EFCAB6: variants seen among roughly 807,000 people sequenced by gnomAD.
EFCAB6 encodes the protein EF-hand calcium-binding domain-containing protein 6.
In EFCAB6, 156 loss-of-function variants were observed where a neutral mutation model predicts 169.8. That is an observed-to-expected ratio of 0.92 (90% CI 0.81 to 1.05). EFCAB6 has a LOEUF of 1.05. Ranked by LOEUF, EFCAB6 falls within the 50% of genes least tolerant of loss-of-function variation. The probability of loss-of-function intolerance (pLI) is 0.00; values close to 1 mark genes in which losing one functional copy is unlikely to be tolerated. For missense variants in EFCAB6, 1,800 were observed against 1,829.1 expected, an observed-to-expected ratio of 0.98 and a Z score of 0.29; for synonymous variants, 698 against 676.4, an observed-to-expected ratio of 1.03 and a Z score of -0.50.
At chr22:43,689,293 T>C (rs1340461303) in intron 10 of EFCAB6, among the ~76,000 whole-genome samples, 1 of 151,164 alleles carries the variant, frequency 6.6e-6, no homozygotes, top group Admixed American at 6.6e-5. Flanking sequence ...GAGAGTTTCA[T>C]GGGGATCAGA....
chr22:43,766,046 TG>T (rs1412802703), intron 4 of EFCAB6, among the ~76,000 whole-genome samples: 1 of 152,146 alleles, frequency 6.6e-6, no homozygotes, highest in East Asian at 1.9e-4. Flanking sequence ...TTTTTGTTTT[TG>T]TTTTTTGAGA....
intron 8 of EFCAB6, among the ~76,000 whole-genome samples, chr22:43,724,651 T>C (rs1477213460): frequency 6.6e-6 from 1 of 152,204 alleles, no homozygotes; most frequent in Non-Finnish European, 1.5e-5. Flanking sequence ...ATTACAGGCA[T>C]GAGCCACCGT....
chr22:43,532,177 T>C (rs1284479428), intron 30 of EFCAB6: 1 of 142,592 alleles, frequency 7.0e-6, no homozygotes, highest in Non-Finnish European at 1.5e-5. Flanking sequence ...CACAGAGTGG[T>C]GCCTTGGGAG....
Position 43,687,469 on chromosome 22 carries a change from ACCT to A in EFCAB6, c.1141_1142+1del. The stretch of plus-strand genomic sequence containing the variant: ...TTTGTTTTTTTTTTTTTTTTTACAT[ACCT>A]ATTTCTTTTTGTCAGGGGACCTTTA... On this transcript the variant is annotated splice_donor_variant and coding_sequence_variant, in exon 11 of 32. Coordinates refer to ENST00000262726, the MANE Select transcript of EFCAB6 (RefSeq NM_022785.4). LOFTEE classifies it high-confidence loss of function. The A allele has an allele frequency of 7.6e-7, 1 of 1,322,590 alleles. No homozygotes were observed. The highest frequency in any genetic ancestry group is 1.0e-6 in the Non-Finnish European group (1 of 1,001,068). 81.9% of individuals were successfully genotyped at this position (1,322,590 alleles called of 1,614,324 possible).
intron 23 of EFCAB6, among the ~76,000 whole-genome samples, chr22:43,599,123 T>C (rs569776839): frequency 6.6e-6 from 1 of 152,284 alleles, no homozygotes; most frequent in East Asian, 1.9e-4. Flanking sequence ...TACACAAACA[T>C]TTCCGTGTCC....
chr22:43,731,724 GTTCAAGTCGTTA>G lies in EFCAB6; in HGVS notation c.720_731del (p.Asn241_Asn244del). On this transcript the variant is annotated inframe_deletion, in exon 8 of 32. Transcript: ENST00000262726. ...CTTGATTTCCCATACAATATCTAAG[GTTCAAGTCGTTA>G]TTTATGCTGAGATTCTTCAAAAACA... is the stretch of plus-strand genomic sequence containing the variant. 1 of 1,597,038 alleles carries G rather than the reference GTTCAAGTCGTTA, an allele frequency of 6.3e-7. No homozygotes were observed. Among genetic ancestry groups the G allele is most frequent in the Admixed American group, 1.8e-5 (1 of 56,884 alleles).
intron 7 of EFCAB6, among the ~76,000 whole-genome samples, chr22:43,733,922 C>T (rs529386923): frequency 4.6e-5 from 7 of 152,196 alleles, no homozygotes; most frequent in East Asian, 1.9e-4. Flanking sequence ...TTGGCCAGGA[C>T]GGTCTCAATC....
At chr22:43,641,097 A>G (rs1164155300) in intron 17 of EFCAB6, among the ~76,000 whole-genome samples, 2 of 152,118 alleles carry the variant, frequency 1.3e-5, no homozygotes, top group East Asian at 3.9e-4. Context: ...AATTACCAAC[A>G]CTTCTTTTTC....
At chr22:43,573,588 C>T (rs566750232) in intron 26 of EFCAB6, among the ~76,000 whole-genome samples, 16 of 151,902 alleles carry the variant, frequency 1.1e-4, no homozygotes, top group Non-Finnish European at 1.6e-4. Context: ...AAAATTAGCC[C>T]GGCATGGTGG....
At chr22:43,678,922 C>G (rs1480658514) in intron 12 of EFCAB6, among the ~76,000 whole-genome samples, 2 of 152,130 alleles carry the variant, frequency 1.3e-5, no homozygotes, top group Non-Finnish European at 2.9e-5. Flanking sequence ...GGTCCAAAAT[C>G]TGAAAAGAAT....
chr22:43,699,317 T>C (rs768390308), intron 10 of EFCAB6, among the ~76,000 whole-genome samples: 2 of 152,136 alleles, frequency 1.3e-5, no homozygotes, highest in Non-Finnish European at 1.5e-5. Flanking sequence ...AGCTTGGCAA[T>C]AGTCATGTTC....
At chr22:43,547,129 A>C (rs1489411780) in intron 27 of EFCAB6, among the ~76,000 whole-genome samples, 1 of 152,178 alleles carries the variant, frequency 6.6e-6, no homozygotes, top group African/African-American at 2.4e-5. Context: ...AAAACAAGAT[A>C]GATCTAAAAC....
At chr22:43,791,692 T>A (rs560641498) in intron 2 of EFCAB6, among the ~76,000 whole-genome samples, 1 of 151,500 alleles carries the variant, frequency 6.6e-6, no homozygotes, top group Non-Finnish European at 1.5e-5. Context: ...ATAGTAACAA[T>A]GTTGGGGGAA....
intron 17 of EFCAB6, among the ~76,000 whole-genome samples, chr22:43,653,447 A>G (rs2056580135): frequency 1.3e-5 from 2 of 152,236 alleles, no homozygotes; most frequent in African/African-American, 4.8e-5. Flanking sequence ...CCAACCTAGA[A>G]TGTTTTTCCC....
At chr22:43,779,953 C>A (rs761906984) in intron 3 of EFCAB6, among the ~76,000 whole-genome samples, 1 of 152,102 alleles carries the variant, frequency 6.6e-6, no homozygotes, top group Non-Finnish European at 1.5e-5. Context: ...GAATAGGCAA[C>A]TCACAAAAGC....
Position 43,785,217 on chromosome 22 carries a change from T to C in EFCAB6, c.-7-2892A>G, listed in dbSNP as rs144722298. ...ACTAAAGAACACATCCAACCAACAATAGTAGAATATCATTCTTCTCAGCAC... is the reference window on the plus strand; with the variant it reads ...ACTAAAGAACACATCCAACCAACAACAGTAGAATATCATTCTTCTCAGCAC... On this transcript the variant is annotated intron_variant, in intron 2 of 31. Coordinates refer to ENST00000262726, the MANE Select transcript of EFCAB6 (RefSeq NM_022785.4). Among the ~76,000 whole-genome samples, 713 of 152,236 alleles carry C rather than the reference T, an allele frequency of 4.7e-3. 4 individuals are homozygous for C. Among genetic ancestry groups the C allele is most frequent in the Non-Finnish European group, 7.9e-3 (538 of 68,000 alleles).
At chr22:43,809,574 C>T (rs1361252005) in intron 1 of EFCAB6, among the ~76,000 whole-genome samples, 1 of 152,038 alleles carries the variant, frequency 6.6e-6, no homozygotes, top group African/African-American at 2.4e-5. Context: ...TCTCTGTGTC[C>T]CTGTTGCCTT....
intron 31 of EFCAB6, among the ~76,000 whole-genome samples, chr22:43,530,269 C>T (rs922439910): frequency 1.3e-5 from 2 of 152,208 alleles, no homozygotes; most frequent in African/African-American, 2.4e-5. Context: ...TACTTAACCC[C>T]GAAGGAAAGA....
intron 15 of EFCAB6, among the ~76,000 whole-genome samples, chr22:43,669,868 C>T (rs146665866): frequency 1.1e-4 from 16 of 152,296 alleles, no homozygotes; most frequent in Non-Finnish European, 1.9e-4. Context: ...TCTGTTAACA[C>T]TGAGGTGTGA....
Sources: allele counts gnomAD v4.1 joint callset (sites outside exome capture counted in the v4.1 genomes callset), GRCh38; gene constraint gnomAD v4.1.1; transcripts MANE v1.5; gene names NCBI Gene and HGNC (gene_info 2026-07-23, HGNC 2026-07-21).